The following LMX1A variants were observed in gnomAD, a reference collection of about 807,000 sequenced individuals.
The protein encoded by LMX1A is LIM homeobox transcription factor 1-alpha.
A neutral mutation model predicts 49.1 loss-of-function variants in LMX1A; 15 were observed. The ratio of observed to expected loss-of-function variants is 0.31; its 90% confidence interval spans 0.20 to 0.47. The LOEUF (loss-of-function observed/expected upper bound fraction) is 0.47. Among genes scored for constraint, LMX1A ranks in the 20% least tolerant of loss-of-function variants. The probability of loss-of-function intolerance (pLI) is 1.00; values close to 1 mark genes in which losing one functional copy is unlikely to be tolerated. For missense variants in LMX1A, 372 were observed against 475.8 expected, an observed-to-expected ratio of 0.78 and a Z score of 2.03; for synonymous variants, 167 against 185.7, an observed-to-expected ratio of 0.90 and a Z score of 0.82.
rs1652374695 is a variant in LMX1A at position 165,234,973 on chromosome 1, G to A, written c.496+14435C>T. ...TTCATAGAAAGCAAGTTTTTTGAAT[G>A]TCATAATGTGGAGGTCGAAGGGCCT... On this transcript the variant is annotated intron_variant, in intron 4 of 8. Coordinates refer to ENST00000342310, the MANE Select transcript of LMX1A (RefSeq NM_177398.4). Among the ~76,000 whole-genome samples, 5 of 152,266 alleles carry A rather than the reference G, an allele frequency of 3.3e-5. No homozygotes were observed. In the South Asian group the frequency reaches 1.0e-3, roughly 32 times the overall value.
intron 4 of LMX1A, among the ~76,000 whole-genome samples, chr1:165,231,943 G>A (rs1490814127): frequency 1.3e-5 from 2 of 152,160 alleles, no homozygotes; most frequent in Non-Finnish European, 2.9e-5. Flanking sequence ...GAGAGCACAC[G>A]GACTGAAACT....
chr1:165,331,734 T>C (rs1309571821), intron 3 of LMX1A, among the ~76,000 whole-genome samples: 4 of 152,162 alleles, frequency 2.6e-5, no homozygotes, highest in Admixed American at 2.0e-4. Flanking sequence ...CTGGGCAACA[T>C]GGCAAAACCC....
chr1:165,205,825 A>C (rs1480985581), intron 8 of LMX1A, 39 bp downstream of exon 8: 1 of 1,599,892 alleles, frequency 6.3e-7, no homozygotes, highest in South Asian at 1.1e-5. Flanking sequence ...AAACCCACAC[A>C]AGTTATGAGA....
At chr1:165,204,967 T>C (rs577255483) in intron 8 of LMX1A, among the ~76,000 whole-genome samples, 1 of 152,118 alleles carries the variant, frequency 6.6e-6, no homozygotes, top group Non-Finnish European at 1.5e-5. Flanking sequence ...ATGTGTGATA[T>C]GGGAAAGTAG....
At chr1:165,209,708 A>T (rs1291511258) in intron 6 of LMX1A, among the ~76,000 whole-genome samples, 1 of 152,178 alleles carries the variant, frequency 6.6e-6, no homozygotes, top group Non-Finnish European at 1.5e-5. Flanking sequence ...ATTCACATCT[A>T]TTGTAATATC....
chr1:165,337,485 T>C (rs753670302), intron 3 of LMX1A, among the ~76,000 whole-genome samples: 20 of 152,164 alleles, frequency 1.3e-4, no homozygotes, highest in Non-Finnish European at 2.6e-4. Flanking sequence ...ATTCTTGAAA[T>C]CTGGGGCCTC....
chr1:165,257,696 T>G (rs1653298023), intron 3 of LMX1A, among the ~76,000 whole-genome samples: 1 of 152,102 alleles, frequency 6.6e-6, no homozygotes, highest in Non-Finnish European at 1.5e-5. Flanking sequence ...TAGGCAGAAA[T>G]GTAGCCAATG....
chr1:165,225,340 T>C (rs1183785799), intron 4 of LMX1A, among the ~76,000 whole-genome samples: 1 of 152,254 alleles, frequency 6.6e-6, no homozygotes, highest in Non-Finnish European at 1.5e-5. Flanking sequence ...TAGATTGCTA[T>C]AAACTGATTA....
intron 3 of LMX1A, among the ~76,000 whole-genome samples, chr1:165,296,124 G>A (rs145152839): frequency 7.9e-5 from 12 of 152,168 alleles, no homozygotes; most frequent in East Asian, 5.8e-4. Flanking sequence ...CCCCTCCTTC[G>A]TCTATCACAC....
At chr1:165,239,847 C>T (rs1026652836) in intron 4 of LMX1A, among the ~76,000 whole-genome samples, 40 of 152,164 alleles carry the variant, frequency 2.6e-4, no homozygotes, top group African/African-American at 8.9e-4. Context: ...AGCCTTTGGG[C>T]CCAGAGATGA....
intron 3 of LMX1A, among the ~76,000 whole-genome samples, chr1:165,261,291 A>G (rs1653431400): frequency 6.6e-6 from 1 of 151,754 alleles, no homozygotes; most frequent in South Asian, 2.1e-4. Context: ...TTATTCTTCA[A>G]CTCTCTCCCC....
intron 7 of LMX1A, 44 bp downstream of exon 7, chr1:165,208,019 C>A: frequency 1.3e-6 from 2 of 1,577,182 alleles, no homozygotes; most frequent in South Asian, 1.1e-5. Context: ...GTAGGAACAG[C>A]CTGGATTCCA....
At chr1:165,224,383 C>A (rs1163850988) in intron 4 of LMX1A, among the ~76,000 whole-genome samples, 1 of 152,152 alleles carries the variant, frequency 6.6e-6, no homozygotes, top group Non-Finnish European at 1.5e-5. Flanking sequence ...CAAAAATTCC[C>A]TCTGCATTAA....
intron 3 of LMX1A, among the ~76,000 whole-genome samples, chr1:165,292,083 A>AAC: frequency 7.0e-6 from 1 of 143,228 alleles, no homozygotes; most frequent in Non-Finnish European, 1.6e-5. Context: ...AAAAAAAAAA[A>AAC]AACAATATGC....
At chr1:165,244,048 T>C (rs1652755313) in intron 4 of LMX1A, among the ~76,000 whole-genome samples, 1 of 152,168 alleles carries the variant, frequency 6.6e-6, no homozygotes, top group South Asian at 2.1e-4. Flanking sequence ...AAGGTTGAGC[T>C]GACCACCAAT....
intron 3 of LMX1A, among the ~76,000 whole-genome samples, chr1:165,346,454 C>T (rs933584908): frequency 6.6e-5 from 10 of 152,186 alleles, no homozygotes; most frequent in African/African-American, 1.7e-4. Context: ...ATCTGGCAAT[C>T]GTTTCATTAA....
At chr1:165,353,589 C>G (rs969251216) in intron 2 of LMX1A, among the ~76,000 whole-genome samples, 1 of 152,204 alleles carries the variant, frequency 6.6e-6, no homozygotes, top group African/African-American at 2.4e-5. Flanking sequence ...CAAATTTGTG[C>G]TCTCAGGTTT....
chr1:165,222,008 C>T (rs1651870350), intron 4 of LMX1A, among the ~76,000 whole-genome samples: 2 of 152,038 alleles, frequency 1.3e-5, no homozygotes, highest in Admixed American at 6.6e-5. Flanking sequence ...TTTTCCATCT[C>T]TTTCTCTCTC....
At chr1:165,268,448 A>G (rs1170306011) in intron 3 of LMX1A, among the ~76,000 whole-genome samples, 3 of 152,208 alleles carry the variant, frequency 2.0e-5, no homozygotes, top group Non-Finnish European at 4.4e-5. Flanking sequence ...CTGCGCCTCA[A>G]ACCACATGCA....
Sources: gnomAD v4.1 joint callset for allele counts (sites outside exome capture counted in the v4.1 genomes callset) on GRCh38, gnomAD v4.1.1 for gene constraint, MANE v1.5 for transcripts, NCBI Gene and HGNC (gene_info 2026-07-23, HGNC 2026-07-21) for gene names.